The following ZNF559 variants were observed in gnomAD, a reference collection of about 807,000 sequenced individuals.
ZNF559 encodes the protein putative protein product of Nbla00121.
ZNF559 carries 17 observed loss-of-function variants against 14.2 expected under a neutral mutation model. That is an observed-to-expected ratio of 1.20 (90% confidence interval 0.82 to 1.80). The LOEUF (loss-of-function observed/expected upper bound fraction) is 1.80. ZNF559 is among the 40% of genes most tolerant of loss of function. The pLI is 0.00. For synonymous variants in ZNF559, 244 were observed against 212.4 expected, an observed-to-expected ratio of 1.15 and a Z score of -1.29; for missense variants, 740 against 629.7, an observed-to-expected ratio of 1.18 and a Z score of -1.88.
chr19:9,325,786 C>CAAAA (rs35775585), intron 2 of ZNF559, among the ~76,000 whole-genome samples: 8 of 139,154 alleles, frequency 5.7e-5, no homozygotes, highest in Non-Finnish European at 1.3e-4. Context: ...ACTCCGTCTC[C>CAAAA]AAAAAAAAAA....
intron 2 of ZNF559, among the ~76,000 whole-genome samples, chr19:9,326,734 A>G (rs571298347): frequency 6.6e-6 from 1 of 152,334 alleles, no homozygotes; most frequent in African/African-American, 2.4e-5. Flanking sequence ...TTTAAAACTG[A>G]GACATTTCAC....
In ZNF559 at chr19:9,343,712, G is replaced by A; in HGVS notation, c.*644G>A. 1 of 986,370 alleles carries A rather than the reference G, an allele frequency of 1.0e-6. No individual in the cohort carries two copies. The highest frequency in any genetic ancestry group is 1.2e-6 in the Non-Finnish European group (1 of 830,620). The allele number at this position is 986,370 out of a possible 1,614,324, so 61.1% of individuals were successfully genotyped here. ...CACTGAAGAGGAACCTGACTGTATG[G>A]AAGGTCAAAAAGGCTGTATTAATTT... On this transcript the variant is annotated 3_prime_UTR_variant, in exon 7 of 7. Coordinates refer to ENST00000603380, the MANE Select transcript of ZNF559 (RefSeq NM_032497.3).
intron 2 of ZNF559, among the ~76,000 whole-genome samples, chr19:9,335,307 A>G (rs1468745537): frequency 6.6e-6 from 1 of 151,770 alleles, no homozygotes; most frequent in Non-Finnish European, 1.5e-5. Context: ...TGCCAAAAAA[A>G]TTTTTAATTG....
chr19:9,339,236 A>C lies in ZNF559; in HGVS notation c.77A>C (p.Glu26Ala). 9 of 1,614,008 alleles carry C rather than the reference A, an allele frequency of 5.6e-6. No homozygotes were observed. Among genetic ancestry groups the C allele is most frequent in the Non-Finnish European group, 7.6e-6 (9 of 1,179,952 alleles). ...GATGTGGCTGTGGACTTCACCCAGG[A>C]GGAGTGGACTTTGCTGGATCAAACT... ...FEDVAVDFTQ[E>A]EWTLLDQTQR... Residue 26 changes from glutamate (E) to alanine (A), a missense_variant, in exon 5 of 7, where the codon GAG (glutamate) becomes GCG (alanine). By Grantham distance (107) the Glu-to-Ala change is moderately radical. Transcript: ENST00000603380.
chr19:9,339,106 A>G (rs1441362681), intron 4 of ZNF559, 87 bp from the exon 5 acceptor site: 2 of 1,570,558 alleles, frequency 1.3e-6, no homozygotes, highest in African/African-American at 2.7e-5. Context: ...AGTCTTGTCA[A>G]GGCATGCCAA....
intron 1 of ZNF559, 193 bp downstream of exon 1, chr19:9,324,421 C>A: frequency 6.9e-7 from 1 of 1,443,450 alleles, no homozygotes; most frequent in South Asian, 1.5e-5. Context: ...CCTCAGGGGT[C>A]GAGGCGGCTG....
chr19:9,324,686 C>T lies in ZNF559; in HGVS notation c.-205-9C>T, dbSNP rs1297517287. 4 of 1,501,514 alleles carry T rather than the reference C, an allele frequency of 2.7e-6. No homozygotes were observed. Among genetic ancestry groups the T allele is most frequent in the East Asian group, 2.6e-5 (1 of 39,018 alleles). 93.0% of individuals were successfully genotyped at this position (1,501,514 alleles called of 1,614,324 possible). A position where few individuals can be genotyped will look rare whatever the true frequency, so the allele number is the denominator to read the frequency against. On this transcript the variant is annotated splice_polypyrimidine_tract_variant and intron_variant, in intron 1 of 6. Coordinates refer to ENST00000603380, the MANE Select transcript of ZNF559 (RefSeq NM_032497.3). The stretch of plus-strand genomic sequence containing the variant: ...CTCCACATCCAGCGTTGTGCCTTTT[C>T]TCTATAAGGAACAGCATCTCTGCCT...
At chr19:9,327,062 C>T (rs1474696512) in intron 2 of ZNF559, among the ~76,000 whole-genome samples, 2 of 152,086 alleles carry the variant, frequency 1.3e-5, no homozygotes. Context: ...CATATTATAT[C>T]CTATCAGTAG....
At chr19:9,331,534 A>G (rs1161742186) in intron 2 of ZNF559, among the ~76,000 whole-genome samples, 1 of 152,190 alleles carries the variant, frequency 6.6e-6, no homozygotes, top group Non-Finnish European at 1.5e-5. Context: ...TTAAGACAAA[A>G]ATTGTGACAA....
upstream of ZNF559, chr19:9,323,882 A>G (rs564487043): frequency 1.6e-5 from 8 of 488,614 alleles, no homozygotes; most frequent in African/African-American, 7.7e-5. Flanking sequence ...CAGTTCCCAC[A>G]CTGTGGAGTA....
chr19:9,340,140 T>C (rs1439069892), intron 5 of ZNF559, among the ~76,000 whole-genome samples: 1 of 151,902 alleles, frequency 6.6e-6, no homozygotes, highest in Non-Finnish European at 1.5e-5. Context: ...GTACTAGCTA[T>C]GCAAACATAG....
chr19:9,326,867 A>AAACC (rs1181393924), intron 2 of ZNF559, among the ~76,000 whole-genome samples: 2 of 152,232 alleles, frequency 1.3e-5, no homozygotes, highest in East Asian at 3.8e-4. Flanking sequence ...GTAGATTAAC[A>AAACC]AACCCAGGTT....
chr19:9,341,020 A>G (rs2067550295), intron 5 of ZNF559, 82 bp from the exon 6 acceptor site: 1 of 1,023,086 alleles, frequency 9.8e-7, no homozygotes, highest in Non-Finnish European at 1.5e-6. Flanking sequence ...AAACTACAGT[A>G]CATACTAGTC....
rs1306270488 is a variant in ZNF559 at position 9,342,673 on chromosome 19, C to T, written c.1222C>T (p.Pro408Ser). 6.2e-7 allele frequency: 1 copy of T among 1,614,070 alleles called. No homozygotes were observed. Among genetic ancestry groups the T allele is most frequent in the Admixed American group, 1.7e-5 (1 of 60,010 alleles). ...CATGCAGACTCATCCTGGTGTAAAACCCTATGACTGTCAACAGTGTGGGAA... is the reference window on the plus strand; with the variant it reads ...CATGCAGACTCATCCTGGTGTAAAATCCTATGACTGTCAACAGTGTGGGAA... The part of the protein sequence containing the change: ...SHMQTHPGVK[P>S]YDCQQCGKAF... The change falls in exon 7 of 7, where the codon CCC becomes TCC. Residue 408 changes from proline to serine, a missense_variant. Physicochemically the swap from Pro to Ser is moderately conservative, Grantham distance 74. Coordinates refer to ENST00000603380, the MANE Select transcript of ZNF559 (RefSeq NM_032497.3).
At chr19:9,335,084 C>T (rs918265301) in intron 2 of ZNF559, among the ~76,000 whole-genome samples, 14 of 149,810 alleles carry the variant, frequency 9.3e-5, no homozygotes, top group Admixed American at 6.0e-4. Flanking sequence ...TGCAGTGAGC[C>T]GAGATCATGC....
intron 2 of ZNF559, among the ~76,000 whole-genome samples, chr19:9,336,604 A>C (rs999453823): frequency 2.0e-4 from 31 of 151,650 alleles, no homozygotes; most frequent in African/African-American, 7.2e-4. Flanking sequence ...CAAAAAAAAA[A>C]CAAAAAAAAA....
At chr19:9,324,075 C>G (rs2066428232), upstream of ZNF559, 23 of 1,357,552 alleles carry the variant, frequency 1.7e-5, no homozygotes, top group South Asian at 2.9e-4. Context: ...CCTCTCAGCT[C>G]TGGGTTGGAA....
Position 9,339,213 on chromosome 19 carries a change from T to C in ZNF559, c.54T>C (p.Asp18=). The change falls in exon 5 of 7, where the codon GAT becomes GAC. Residue 18 remains aspartate (D), a synonymous_variant. Coordinates refer to ENST00000603380, the MANE Select transcript of ZNF559 (RefSeq NM_032497.3). ...NYSQDSVTFE[D]VAVDFTQEEW... is the part of the protein sequence containing the mutation. ...TTTAGGACTCAGTGACCTTTGAGGA[T>C]GTGGCTGTGGACTTCACCCAGGAGG... 2.5e-6 allele frequency: 4 copies of C among 1,613,970 alleles called. No homozygotes were observed. Among genetic ancestry groups the C allele is most frequent in the Non-Finnish European group, 3.4e-6 (4 of 1,179,902 alleles).
At chr19:9,333,953 CA>C (rs1332763564) in intron 2 of ZNF559, among the ~76,000 whole-genome samples, 1 of 149,776 alleles carries the variant, frequency 6.7e-6, no homozygotes, top group African/African-American at 2.5e-5. Context: ...TGCCACTACA[CA>C]TATATCAGAA....
Sources: gnomAD v4.1 joint callset for allele counts (sites outside exome capture counted in the v4.1 genomes callset) on GRCh38, gnomAD v4.1.1 for gene constraint, MANE v1.5 for transcripts, NCBI Gene and HGNC (gene_info 2026-07-23, HGNC 2026-07-21) for gene names.